EPS8: variants seen among roughly 807,000 people sequenced by gnomAD.
EPS8 encodes the protein EGFR pathway substrate 8, signaling adaptor.
Under a neutral mutation model 103.8 loss-of-function variants are expected in EPS8, and 42 were observed. That is an observed-to-expected ratio of 0.40 (90% confidence interval 0.32 to 0.52). The LOEUF is 0.52. EPS8 is among the 20% of genes least tolerant of loss of function. The probability of loss-of-function intolerance (pLI) is 0.40; values close to 1 mark genes in which losing one functional copy is unlikely to be tolerated. For missense variants in EPS8, 969 were observed against 1,005.1 expected, an observed-to-expected ratio of 0.96 and a Z score of 0.49; for synonymous variants, 344 against 344.6, an observed-to-expected ratio of 1.00 and a Z score of 0.02.
intron 1 of EPS8, among the ~76,000 whole-genome samples, chr12:15,710,895 G>A (rs1946453789): frequency 6.6e-6 from 1 of 152,084 alleles, no homozygotes; most frequent in Admixed American, 6.6e-5. Flanking sequence ...TTCTAAGACA[G>A]TCTCACTCTG....
In EPS8 at chr12:15,669,680, A is replaced by G; in HGVS notation, c.350T>C (p.Ile117Thr). The change falls in exon 5 of 21, where the codon ATT becomes ACT. Residue 117 changes from isoleucine to threonine, a missense_variant. By Grantham distance (89) the Ile-to-Thr change is moderately conservative. Coordinates refer to ENST00000281172, the MANE Select transcript of EPS8 (RefSeq NM_004447.6). ...CACACTTGCCTTTGATTCTAAATCA[A>G]TCAGGCTCACAGCTCTGTCATCCAC... ...LQVDDRAVSL[I>T]DLESKNELEN... The G allele has an allele frequency of 6.2e-7, 1 of 1,601,992 alleles. No individual in the cohort carries two copies. Among genetic ancestry groups the G allele is most frequent in the Non-Finnish European group, 8.5e-7 (1 of 1,175,526 alleles).
chr12:15,639,856 G>T (rs1945198684), intron 17 of EPS8, among the ~76,000 whole-genome samples: 1 of 152,200 alleles, frequency 6.6e-6, no homozygotes, highest in Non-Finnish European at 1.5e-5. Context: ...TATGAGGTCA[G>T]ATGTGATCTT....
rs548823652 is a variant in EPS8 at position 15,733,553 on chromosome 12, T to C, written c.-21-50581A>G. Among the ~76,000 whole-genome samples, 59 of 151,898 alleles carry C rather than the reference T, an allele frequency of 3.9e-4. No individual in the cohort carries two copies. The highest frequency in any genetic ancestry group is 1.3e-3 in the African/African-American group (54 of 41,388). On this transcript the variant is annotated intron_variant, in intron 1 of 20. Transcript: ENST00000281172. This position sits in a 1 kb window ranked among gnomAD's most constrained non-coding sequence, Gnocchi z 4.8. ...AAGCCTAGATATACCTTTTGTGAGATGAAGAAAGAATAAAAGGACATGTGA... is the reference window on the plus strand; with the variant it reads ...AAGCCTAGATATACCTTTTGTGAGACGAAGAAAGAATAAAAGGACATGTGA...
chr12:15,644,393 T>C (rs1170371940), intron 15 of EPS8, among the ~76,000 whole-genome samples: 1 of 152,138 alleles, frequency 6.6e-6, no homozygotes, highest in Non-Finnish European at 1.5e-5. Context: ...TTTCCCCTTG[T>C]TCAATTAAAC....
rs189286606 is a variant in EPS8 at position 15,778,567 on chromosome 12, A to G, written c.-22+10594T>C. Among the ~76,000 whole-genome samples, 118 of 152,348 alleles carry G rather than the reference A, an allele frequency of 7.7e-4. No homozygotes were observed. Among genetic ancestry groups the G allele is most frequent in the South Asian group, 1.7e-3 (8 of 4,832 alleles). ...CAACAGAGGTTCTGAGAATACAGAT[A>G]AACACTAAAACAGTAAGGACAACTC... On this transcript the variant is annotated intron_variant, in intron 1 of 20. Transcript: ENST00000281172. This position sits in a 1 kb window ranked among gnomAD's most constrained non-coding sequence, Gnocchi z 4.5.
At chr12:15,782,660 A>G (rs182627513) in intron 1 of EPS8, among the ~76,000 whole-genome samples, 1 of 152,212 alleles carries the variant, frequency 6.6e-6, no homozygotes, top group Admixed American at 6.5e-5. Context: ...CATAAAATTT[A>G]TTAGAAAAAA....
chr12:15,663,943 AAAATAATATAT>A, intron 8 of EPS8, among the ~76,000 whole-genome samples: 2 of 8,432 alleles, frequency 2.4e-4, no homozygotes, highest in African/African-American at 5.6e-4. Flanking sequence ...AAAAAAAAAA[AAAATAATATAT>A]ATATATATAT....
At position 15,727,959 on chromosome 12, in the gene EPS8, T is replaced by C. The variant is rs1411543808; in HGVS notation, c.-21-44987A>G. 1.3e-5 allele frequency among the ~76,000 whole-genome samples: 2 copies of C among 152,226 alleles called. No individual in the cohort carries two copies. Among genetic ancestry groups the C allele is most frequent in the East Asian group, 3.8e-4 (2 of 5,202 alleles). On this transcript the variant is annotated intron_variant, in intron 1 of 20. Coordinates refer to ENST00000281172, the MANE Select transcript of EPS8 (RefSeq NM_004447.6). The surrounding 1 kb of genome is among the most constrained non-coding windows in gnomAD (Gnocchi z 4.3). ...GCTTTAATAAATGATGAAAAACTTA[T>C]AACTGCAGCATAGAATAATTCCCTA...
intron 1 of EPS8, among the ~76,000 whole-genome samples, chr12:15,709,744 T>A (rs1439375221): frequency 2.6e-5 from 4 of 152,248 alleles, no homozygotes; most frequent in Non-Finnish European, 5.9e-5. Context: ...AAGATTGATA[T>A]TCACGGCTCT....
At chr12:15,653,077 C>T (rs1047894491) in intron 13 of EPS8, among the ~76,000 whole-genome samples, 3 of 152,202 alleles carry the variant, frequency 2.0e-5, no homozygotes, top group Non-Finnish European at 4.4e-5. Context: ...ATCTGTCTTC[C>T]ATAATCACTT....
At chr12:15,634,132 T>A (rs1401577428) in intron 17 of EPS8, among the ~76,000 whole-genome samples, 3 of 152,200 alleles carry the variant, frequency 2.0e-5, no homozygotes, top group Admixed American at 2.0e-4. Context: ...TCTGACTAAC[T>A]GTTCTTGGTT....
In EPS8 at chr12:15,628,561, A is replaced by G. The variant is rs144952553; in HGVS notation, c.2044+2881T>C. ...AAAGTTTGGCATCTTAAAAGCGATA[A>G]AAGGAGAACCTTTTGGGATCCTGCG... On this transcript the variant is annotated intron_variant, in intron 18 of 20. Coordinates refer to ENST00000281172, the MANE Select transcript of EPS8 (RefSeq NM_004447.6). Among the ~76,000 whole-genome samples the G allele has an allele frequency of 1.4e-3, 207 of 152,372 alleles. 1 individual carries two copies. Among genetic ancestry groups the G allele is most frequent in the African/African-American group, 4.8e-3 (198 of 41,588 alleles).
rs374876159 is a variant in EPS8 at position 15,708,467 on chromosome 12, G to C, written c.-21-25495C>G. Among the ~76,000 whole-genome samples the C allele has an allele frequency of 3.9e-4, 59 of 152,286 alleles. 2 individuals are homozygous for C. The East Asian group carries it at 5.4e-3, about 14-fold the overall frequency. Reference sequence around the variant, plus strand: ...ATTATTGGGAAGTGGTGCAAGATGGGTTATCTGAAATTGGAGGGGAAATTA... The same window carrying C: ...ATTATTGGGAAGTGGTGCAAGATGGCTTATCTGAAATTGGAGGGGAAATTA... On this transcript the variant is annotated intron_variant, in intron 1 of 20. Transcript: ENST00000281172.
chr12:15,626,216 A>AT (rs1219667799), intron 18 of EPS8, among the ~76,000 whole-genome samples: 3 of 152,062 alleles, frequency 2.0e-5, no homozygotes, highest in African/African-American at 4.8e-5. Flanking sequence ...ATTTCACTGT[A>AT]TTTTTTCTGT....
intron 18 of EPS8, among the ~76,000 whole-genome samples, chr12:15,626,986 A>G (rs960219375): frequency 6.6e-6 from 1 of 151,338 alleles, no homozygotes; most frequent in African/African-American, 2.4e-5. Flanking sequence ...CACCTTCTTG[A>G]TAGATAGTTT....
chr12:15,622,761 T>C (rs1944880329), intron 20 of EPS8, among the ~76,000 whole-genome samples: 1 of 151,256 alleles, frequency 6.6e-6, no homozygotes, highest in Non-Finnish European at 1.5e-5. Context: ...TACAATCTTA[T>C]AACCTATACG....
At chr12:15,674,245 T>TC (rs1364675937) in intron 3 of EPS8, among the ~76,000 whole-genome samples, 9 of 152,186 alleles carry the variant, frequency 5.9e-5, no homozygotes, top group Non-Finnish European at 2.9e-5. Flanking sequence ...GAATTTTTTT[T>TC]CTCTTTCTCT....
intron 3 of EPS8, among the ~76,000 whole-genome samples, chr12:15,680,076 A>G (rs1234276337): frequency 6.6e-6 from 1 of 152,206 alleles, no homozygotes; most frequent in Non-Finnish European, 1.5e-5. Flanking sequence ...TAATAATGTC[A>G]CAATACTTAA....
intron 10 of EPS8, among the ~76,000 whole-genome samples, 178 bp downstream of exon 10, chr12:15,660,436 G>A (rs564835476): frequency 6.6e-6 from 1 of 152,130 alleles, no homozygotes; most frequent in Non-Finnish European, 1.5e-5. Flanking sequence ...GCTAATTTTT[G>A]TATTTTTAGT....
Sources: gnomAD v4.1 joint callset for allele counts (sites outside exome capture counted in the v4.1 genomes callset) on GRCh38, gnomAD v4.1.1 for gene constraint, Gnocchi (gnomAD v3.1) non-coding constraint, MANE v1.5 for transcripts, NCBI Gene and HGNC (gene_info 2026-07-23, HGNC 2026-07-21) for gene names.